Variants in TCF23 observed in about 807,000 individuals in gnomAD.
TCF23 encodes class A basic helix-loop-helix protein 24.
In TCF23, 7 loss-of-function variants were observed where a neutral mutation model predicts 13.0. That is an observed-to-expected ratio of 0.54 (90% CI 0.31 to 1.01). TCF23 has a LOEUF of 1.01. TCF23 is among the 50% of genes least tolerant of loss of function. The pLI, the probability that TCF23 is intolerant of heterozygous loss-of-function variation, is 0.06. For synonymous variants in TCF23, 122 were observed against 119.5 expected (o/e 1.02, Z -0.14); for missense variants, 257 against 289.8 (o/e 0.89, Z 0.82).
In TCF23 at chr2:27,150,510, G is replaced by A; in HGVS notation, c.465+145G>A. The A allele has an allele frequency of 1.4e-6, 2 of 1,413,252 alleles. No homozygotes were observed. The highest frequency in any genetic ancestry group is 1.9e-6 in the Non-Finnish European group (2 of 1,042,928). 87.5% of individuals were successfully genotyped at this position (1,413,252 alleles called of 1,614,324 possible). ...GGAGCCAATTTCTCCTGCTGTCTCA[G>A]AGGGAGAGGAGCCAAGGCTGACCCT... On this transcript the variant is annotated intron_variant, in intron 2 of 2. Transcript: ENST00000296096. The surrounding 1 kb of genome is among the most constrained non-coding windows in gnomAD (Gnocchi z 4.1).
chr2:27,152,919 G>C lies in TCF23; in HGVS notation c.*52G>C. ...ACTGTGACTCATGCTTATGGGCCTG[G>C]ATTTTCTACCAGCCCCCAGATTCTC... On this transcript the variant is annotated 3_prime_UTR_variant, in exon 3 of 3. Coordinates refer to ENST00000296096, the MANE Select transcript of TCF23 (RefSeq NM_175769.3). 6.4e-7 allele frequency: 1 copy of C among 1,561,764 alleles called. No homozygotes were observed. Among genetic ancestry groups the C allele is most frequent in the Middle Eastern group, 1.7e-4 (1 of 5,786 alleles).
rs1422209124 is a variant in TCF23, at chr2:27,150,386, C to T, written c.465+21C>T. 14 of 1,605,518 alleles carry T rather than the reference C, an allele frequency of 8.7e-6. No homozygotes were observed. Among genetic ancestry groups the T allele is most frequent in the Non-Finnish European group, 1.1e-5 (13 of 1,173,644 alleles). Reference sequence around the variant, plus strand: ...TCAAGGTAAGTCACAAGCCCTGGGACTTGAGAGGCGGATCTTAATGCCCAG... The same window carrying T: ...TCAAGGTAAGTCACAAGCCCTGGGATTTGAGAGGCGGATCTTAATGCCCAG... On this transcript the variant is annotated intron_variant, in intron 2 of 2. Transcript: ENST00000296096. This position sits in a 1 kb window ranked among gnomAD's most constrained non-coding sequence, Gnocchi z 4.1.
rs1358024843 is a variant in TCF23 at position 27,152,980 on chromosome 2, T to G, written c.*113T>G. On this transcript the variant is annotated 3_prime_UTR_variant, in exon 3 of 3. Coordinates refer to ENST00000296096, the MANE Select transcript of TCF23 (RefSeq NM_175769.3). Reference sequence around the variant, plus strand: ...CTTGACTCAGACTCAGCTCCCAAGTTCCAGCATGCAGACCAAGAGAAGCAG... The same window carrying G: ...CTTGACTCAGACTCAGCTCCCAAGTGCCAGCATGCAGACCAAGAGAAGCAG... 1 of 1,526,764 alleles carries G rather than the reference T, an allele frequency of 6.5e-7. No individual in the cohort carries two copies. The highest frequency in any genetic ancestry group is 8.8e-7 in the Non-Finnish European group (1 of 1,138,970). 94.6% of individuals were successfully genotyped at this position (1,526,764 alleles called of 1,614,324 possible).
intron 2 of TCF23, among the ~76,000 whole-genome samples, chr2:27,151,799 C>CT (rs1010634459): frequency 6.5e-4 from 96 of 147,800 alleles, no homozygotes; most frequent in Middle Eastern, 3.5e-3. Context: ...CCACACCTGG[C>CT]TTTTTTTTTT....
At chr2:27,151,170 G>A (rs115068729) in intron 2 of TCF23, among the ~76,000 whole-genome samples, 1 of 152,290 alleles carries the variant, frequency 6.6e-6, no homozygotes, top group East Asian at 1.9e-4. Flanking sequence ...ACTCAGGGGT[G>A]TCTGACTTCA....
Position 27,149,132 on chromosome 2 carries a change from G to A in TCF23, c.-2G>A. The A allele has an allele frequency of 2.6e-6, 4 of 1,549,500 alleles. No homozygotes were observed. Among genetic ancestry groups the A allele is most frequent in the Non-Finnish European group, 3.5e-6 (4 of 1,146,874 alleles). On this transcript the variant is annotated 5_prime_UTR_variant, in exon 1 of 3. Coordinates refer to ENST00000296096, the MANE Select transcript of TCF23 (RefSeq NM_175769.3). The stretch of plus-strand genomic sequence containing the variant: ...TGTGGGCTGCAGCCCCAGTGGGGTG[G>A]CATGTCACAGAGGAAGGCCAGAGGG...
intron 1 of TCF23, chr2:27,149,724 A>T: frequency 1.7e-6 from 1 of 593,374 alleles, no homozygotes; most frequent in Non-Finnish European, 3.3e-6. Flanking sequence ...TCGTCGTCTC[A>T]GGACCTGGCT....
chr2:27,150,814 A>T lies in TCF23; in HGVS notation c.465+449A>T, dbSNP rs114136928. Among the ~76,000 whole-genome samples, 395 of 152,280 alleles carry T rather than the reference A, an allele frequency of 2.6e-3. 2 individuals are homozygous for T. The highest frequency in any genetic ancestry group is 8.8e-3 in the African/African-American group (367 of 41,564). ...GAGAACAACGGTCTGAGGGACCGTCATTCTAGAAGCAACCAAGCTGGGGGA... is the reference window on the plus strand; with the variant it reads ...GAGAACAACGGTCTGAGGGACCGTCTTTCTAGAAGCAACCAAGCTGGGGGA... On this transcript the variant is annotated intron_variant, in intron 2 of 2. Transcript: ENST00000296096. The surrounding 1 kb of genome is among the most constrained non-coding windows in gnomAD (Gnocchi z 4.1).
At chr2:27,151,819 TTTGTAGAGACGGGGTCTCAC>T (rs1271576282) in intron 2 of TCF23, among the ~76,000 whole-genome samples, 4 of 152,036 alleles carry the variant, frequency 2.6e-5, no homozygotes, top group Middle Eastern at 3.4e-3. Context: ...TCTTTTTTTT[TTTGTAGAGACGGGGTCTCAC>T]TTTGTTCCAC....
chr2:27,152,729 G>A lies in TCF23; in HGVS notation c.507G>A (p.Gly169=). 1.2e-6 allele frequency: 2 copies of A among 1,614,082 alleles called. No individual in the cohort carries two copies. The highest frequency in any genetic ancestry group is 8.5e-7 in the Non-Finnish European group (1 of 1,180,000). The stretch of plus-strand genomic sequence containing the variant: ...CTCGTCTCTATGCTGGAGGCCTGGG[G>A]TACTCCGATCTTGACTCCACCACAG... The part of the protein sequence containing the change: ...MRSRLYAGGL[G]YSDLDSTTAS... The change falls in exon 3 of 3, where the codon GGG becomes GGA. Residue 169 remains glycine, a synonymous_variant. Coordinates refer to ENST00000296096, the MANE Select transcript of TCF23 (RefSeq NM_175769.3).
intron 1 of TCF23, 38 bp downstream of exon 1, chr2:27,149,393 G>T: frequency 6.5e-7 from 1 of 1,532,282 alleles, no homozygotes; most frequent in Non-Finnish European, 8.8e-7. Context: ...GTCCAGGGGA[G>T]GAAGGGGTTG....
chr2:27,151,043 T>G (rs1329022052), intron 2 of TCF23, among the ~76,000 whole-genome samples: 2 of 152,224 alleles, frequency 1.3e-5, no homozygotes, highest in Non-Finnish European at 2.9e-5. Context: ...GGCCAGGAGC[T>G]GGGTTAAGTA....
chr2:27,150,063 T>C lies in TCF23; in HGVS notation c.223-60T>C. On this transcript the variant is annotated intron_variant, in intron 1 of 2. Transcript: ENST00000296096. This position sits in a 1 kb window ranked among gnomAD's most constrained non-coding sequence, Gnocchi z 4.1. The stretch of plus-strand genomic sequence containing the variant: ...TGGGAGACCTTGTGCTCAAACGCTC[T>C]CAGAAGTCAGGGCAGTTGGGAGTCC... 1 of 1,558,878 alleles carries C rather than the reference T, an allele frequency of 6.4e-7. No homozygotes were observed. The highest frequency in any genetic ancestry group is 1.2e-5 in the South Asian group (1 of 85,754).
At position 27,149,705 on chromosome 2, in the gene TCF23, A is replaced by C. The variant is rs569494696; in HGVS notation, c.222+350A>C. 22 of 588,958 alleles carry C rather than the reference A, an allele frequency of 3.7e-5. No homozygotes were observed. In the African/African-American group the frequency reaches 3.9e-4, roughly 10 times the overall value. 36.5% of individuals were successfully genotyped at this position (588,958 alleles called of 1,614,324 possible). On this transcript the variant is annotated intron_variant, in intron 1 of 2. Coordinates refer to ENST00000296096, the MANE Select transcript of TCF23 (RefSeq NM_175769.3). ...TGGTTCTGTGTCTTTCCTCTTTCCCACAGCAGCCTCGTCGTCTCAGGACCT... is the reference window on the plus strand; with the variant it reads ...TGGTTCTGTGTCTTTCCTCTTTCCCCCAGCAGCCTCGTCGTCTCAGGACCT...
rs1672749188 is a variant in TCF23, at chr2:27,150,665, C to G, written c.465+300C>G. Among the ~76,000 whole-genome samples, 1 of 152,048 alleles carries G rather than the reference C, an allele frequency of 6.6e-6. No individual in the cohort carries two copies. The highest frequency in any genetic ancestry group is 6.5e-5 in the Admixed American group (1 of 15,270). On this transcript the variant is annotated intron_variant, in intron 2 of 2. Transcript: ENST00000296096. The surrounding 1 kb of genome is among the most constrained non-coding windows in gnomAD (Gnocchi z 4.1). ...TCACAGGGAAAAATGTAGCAGGTTCCAAGTCTGGGGCCTGGGAAAGGAAAT... is the reference window on the plus strand; with the variant it reads ...TCACAGGGAAAAATGTAGCAGGTTCGAAGTCTGGGGCCTGGGAAAGGAAAT...
Position 27,153,039 on chromosome 2 carries a change from C to T in TCF23, c.*172C>T, listed in dbSNP as rs374255240. 13 of 1,386,030 alleles carry T rather than the reference C, an allele frequency of 9.4e-6. No homozygotes were observed. In the South Asian group the frequency reaches 1.2e-4, roughly 13 times the overall value. 85.9% of individuals were successfully genotyped at this position (1,386,030 alleles called of 1,614,324 possible). ...CTGTGATGGACAGTACCTAGAGGGG[C>T]ACAGGTTGGAGAGCCTCCTCCTTGG... On this transcript the variant is annotated 3_prime_UTR_variant, in exon 3 of 3. Transcript: ENST00000296096.
In TCF23 at chr2:27,150,402, T is replaced by G. The variant is rs995368333; in HGVS notation, c.465+37T>G. ...GCCCTGGGACTTGAGAGGCGGATCT[T>G]AATGCCCAGGGCCTTGGAGAAAGGG... On this transcript the variant is annotated intron_variant, in intron 2 of 2. Transcript: ENST00000296096. The surrounding 1 kb of genome is among the most constrained non-coding windows in gnomAD (Gnocchi z 4.1). 2.5e-6 allele frequency: 4 copies of G among 1,602,994 alleles called. No individual in the cohort carries two copies. The highest frequency in any genetic ancestry group is 3.4e-6 in the Non-Finnish European group (4 of 1,171,978).
At position 27,153,508 on chromosome 2, in the gene TCF23, C is replaced by CTCCTTTTCTTTTCTTTTCTTT. The variant is rs1553354743; in HGVS notation, c.*643_*644insCTTTTCTTTTCTTTTCTTTTC. 2 of 150,360 alleles carry CTCCTTTTCTTTTCTTTTCTTT rather than the reference C, an allele frequency of 1.3e-5. No homozygotes were observed. The highest frequency in any genetic ancestry group is 6.9e-5 in the Admixed American group (1 of 14,570). 9.3% of individuals were successfully genotyped at this position (150,360 alleles called of 1,614,324 possible). A position where few individuals can be genotyped will look rare whatever the true frequency, so the allele number is the denominator to read the frequency against. ...CCCTCTCGGCTCCTGCACTCTTCCA[C>CTCCTTTTCTTTTCTTTTCTTT]TCTTTTCTTTTCTTTTCTTTTCTTT... On this transcript the variant is annotated 3_prime_UTR_variant, in exon 3 of 3. Coordinates refer to ENST00000296096, the MANE Select transcript of TCF23 (RefSeq NM_175769.3).
At chr2:27,151,717 C>T (rs1656968261) in intron 2 of TCF23, among the ~76,000 whole-genome samples, 2 of 151,976 alleles carry the variant, frequency 1.3e-5, no homozygotes, top group Admixed American at 6.6e-5. Flanking sequence ...CTTACTGTAC[C>T]CTCAAACTCC....
Sources: gnomAD v4.1 joint callset for allele counts (sites outside exome capture counted in the v4.1 genomes callset) on GRCh38, gnomAD v4.1.1 for gene constraint, Gnocchi (gnomAD v3.1) non-coding constraint, MANE v1.5 for transcripts, NCBI Gene and HGNC (gene_info 2026-07-23, HGNC 2026-07-21) for gene names.